The following NCAM2 variants were observed in gnomAD, a reference collection of about 807,000 sequenced individuals.
NCAM2 encodes the protein neural cell adhesion molecule 2, also known as N-CAM-2.
NCAM2 carries 30 observed loss-of-function variants against 98.1 expected under a neutral mutation model. The ratio of observed to expected loss-of-function variants is 0.31; its 90% CI spans 0.23 to 0.41. NCAM2 has a LOEUF of 0.41. NCAM2 is among the 10% of genes least tolerant of loss of function. NCAM2 has a pLI of 1.00. For synonymous variants in NCAM2, 368 were observed against 342.4 expected, an observed-to-expected ratio of 1.07 and a Z score of -0.83; for missense variants, 867 against 1,005.8, an observed-to-expected ratio of 0.86 and a Z score of 1.87.
chr21:21,117,105 G>A (rs1419420476), intron 1 of NCAM2, among the ~76,000 whole-genome samples: 1 of 152,048 alleles, frequency 6.6e-6, no homozygotes, highest in African/African-American at 2.4e-5. Flanking sequence ...CATATAATGA[G>A]CATCACAATC....
intron 9 of NCAM2, among the ~76,000 whole-genome samples, chr21:21,399,241 G>A (rs56765464): frequency 0.065 from 9,841 of 152,124 alleles, 682 homozygotes; most frequent in African/African-American, 0.17. Context: ...TATTATGAGC[G>A]TTATTAAATT....
intron 1 of NCAM2, among the ~76,000 whole-genome samples, chr21:21,127,711 T>C (rs543463861): frequency 6.6e-6 from 1 of 152,180 alleles, no homozygotes; most frequent in African/African-American, 2.4e-5. Context: ...TGATGTGATA[T>C]TTGTGTTGCT....
rs558975017 is a variant in NCAM2 at position 21,041,772 on chromosome 21, A to G, written c.55+43154A>G. ...GAGAGAGAAAGCAAGAGAAAAGTGT[A>G]TGTGTGTGTCTATTCACAAACACTT... On this transcript the variant is annotated intron_variant, in intron 1 of 17. Coordinates refer to ENST00000400546, the MANE Select transcript of NCAM2 (RefSeq NM_004540.5). 5.9e-5 allele frequency among the ~76,000 whole-genome samples: 9 copies of G among 152,356 alleles called. No homozygotes were observed. The South Asian group carries it at 1.4e-3, about 25-fold the overall frequency.
At chr21:21,249,030 AT>A (rs2071387769) in intron 1 of NCAM2, among the ~76,000 whole-genome samples, 1 of 152,206 alleles carries the variant, frequency 6.6e-6, no homozygotes, top group African/African-American at 2.4e-5. Context: ...TGTTTGAGAA[AT>A]GCATTTTTTA....
chr21:21,370,674 A>G (rs757376500), intron 8 of NCAM2, among the ~76,000 whole-genome samples: 13 of 151,764 alleles, frequency 8.6e-5, no homozygotes, highest in Non-Finnish European at 1.5e-4. Flanking sequence ...ATAATCAAAC[A>G]TGAACTCCAG....
intron 1 of NCAM2, among the ~76,000 whole-genome samples, chr21:21,075,825 G>A (rs1458303117): frequency 6.6e-6 from 1 of 152,066 alleles, no homozygotes; most frequent in Admixed American, 6.5e-5. Context: ...TGTAGCTTAA[G>A]AATATGATTG....
At chr21:21,032,482 G>A (rs921440176) in intron 1 of NCAM2, among the ~76,000 whole-genome samples, 1 of 152,128 alleles carries the variant, frequency 6.6e-6, no homozygotes, top group African/African-American at 2.4e-5. Flanking sequence ...ACCAGCAAAT[G>A]TTATTGTAAT....
intron 1 of NCAM2, among the ~76,000 whole-genome samples, chr21:21,168,378 C>T (rs1353649964): frequency 2.0e-5 from 3 of 152,140 alleles, no homozygotes; most frequent in South Asian, 4.1e-4. Flanking sequence ...CATTAAGATT[C>T]GGGAGTAAGC....
At chr21:21,269,876 TATC>T (rs951450276) in intron 1 of NCAM2, among the ~76,000 whole-genome samples, 58 of 152,168 alleles carry the variant, frequency 3.8e-4, no homozygotes, top group African/African-American at 1.3e-3. Context: ...TATCTAGTAG[TATC>T]ATATAATTCA....
chr21:21,226,209 G>A (rs1269535053), intron 1 of NCAM2, among the ~76,000 whole-genome samples: 1 of 151,952 alleles, frequency 6.6e-6, no homozygotes, highest in African/African-American at 2.4e-5. Context: ...TGGGTGCTAC[G>A]TGCACTACTG....
At chr21:21,431,990 T>C (rs1007033039) in intron 11 of NCAM2, 118 bp from the exon 12 acceptor site, 1 of 787,506 alleles carries the variant, frequency 1.3e-6, no homozygotes, top group African/African-American at 1.7e-5. Flanking sequence ...AACTCGAACA[T>C]ATTAAGTGAT....
intron 16 of NCAM2, among the ~76,000 whole-genome samples, chr21:21,513,030 A>G (rs879395486): frequency 2.2e-4 from 33 of 152,046 alleles, no homozygotes; most frequent in Non-Finnish European, 4.3e-4. Context: ...CATCATAAGA[A>G]GGATTATTTG....
intron 1 of NCAM2, among the ~76,000 whole-genome samples, chr21:21,245,212 A>G (rs2071218040): frequency 6.6e-6 from 1 of 152,142 alleles, no homozygotes; most frequent in South Asian, 2.1e-4. Context: ...TATATCACTC[A>G]TTCTTCATTC....
chr21:21,452,084 T>A (rs765771090), intron 12 of NCAM2, among the ~76,000 whole-genome samples: 4 of 151,482 alleles, frequency 2.6e-5, no homozygotes, highest in Middle Eastern at 3.4e-3. Flanking sequence ...CGTTTTAGGA[T>A]ATAGTTTATT....
chr21:21,449,946 C>A (rs1980773866), intron 12 of NCAM2, among the ~76,000 whole-genome samples: 1 of 151,974 alleles, frequency 6.6e-6, no homozygotes, highest in East Asian at 1.9e-4. Context: ...TGTATTCGTT[C>A]TTTTTCTGTG....
At chr21:21,524,704 A>G (rs2146398721) in intron 16 of NCAM2, among the ~76,000 whole-genome samples, 1 of 152,344 alleles carries the variant, frequency 6.6e-6, no homozygotes, top group Middle Eastern at 3.4e-3. Context: ...CAATAACAGC[A>G]GAATGCATAC....
intron 1 of NCAM2, among the ~76,000 whole-genome samples, chr21:21,189,088 C>T (rs2068734520): frequency 6.6e-6 from 1 of 152,176 alleles, no homozygotes; most frequent in Admixed American, 6.5e-5. Flanking sequence ...TAGCATTTAT[C>T]TAGACTCACT....
intron 1 of NCAM2, among the ~76,000 whole-genome samples, chr21:21,229,359 G>A (rs2070525009): frequency 1.3e-5 from 2 of 151,256 alleles, no homozygotes; most frequent in African/African-American, 4.8e-5. Context: ...AATTATATTC[G>A]AAATACATGG....
chr21:21,303,475 T>C (rs1222389284), intron 5 of NCAM2, among the ~76,000 whole-genome samples: 1 of 152,096 alleles, frequency 6.6e-6, no homozygotes, highest in Non-Finnish European at 1.5e-5. Context: ...TTATTGCTAT[T>C]AGTATTCAAT....
Sources: gnomAD v4.1 joint callset for allele counts (sites outside exome capture counted in the v4.1 genomes callset) on GRCh38, gnomAD v4.1.1 for gene constraint, MANE v1.5 for transcripts, NCBI Gene and HGNC (gene_info 2026-07-23, HGNC 2026-07-21) for gene names.